PPP1R12A: variants seen among roughly 807,000 people sequenced by gnomAD.
PPP1R12A encodes protein phosphatase 1 regulatory subunit 12A.
PPP1R12A carries 19 observed loss-of-function variants against 139.6 expected under a neutral mutation model. The ratio of observed to expected loss-of-function variants is 0.14; its 90% CI spans 0.09 to 0.20. The LOEUF is 0.20. Among genes scored for constraint, PPP1R12A ranks in the 10% least tolerant of loss-of-function variants. PPP1R12A has a pLI of 1.00. For missense variants in PPP1R12A, 925 were observed against 1,211.5 expected (o/e 0.76, Z 3.51); for synonymous variants, 427 against 420.6 (o/e 1.02, Z -0.19).
rs1869551269 is a variant in PPP1R12A, at chr12:79,774,662, AT to A, written c.*1266del. 6.8e-6 allele frequency: 1 copy of A among 147,948 alleles called. No homozygotes were observed. The highest frequency in any genetic ancestry group is 2.0e-4 in the East Asian group (1 of 5,062). 9.2% of individuals were successfully genotyped at this position (147,948 alleles called of 1,614,324 possible). ...AAAAAAAAAAAGGCCACTGAAATGTATAAAATGGTCTGAACATGATGGTGGT... is the reference window on the plus strand; with the variant it reads ...AAAAAAAAAAAGGCCACTGAAATGTAAAAATGGTCTGAACATGATGGTGGT... On this transcript the variant is annotated 3_prime_UTR_variant, in exon 25 of 25. Coordinates refer to ENST00000450142, the MANE Select transcript of PPP1R12A (RefSeq NM_002480.3).
At chr12:79,833,863 A>AG (rs1555212479) in intron 3 of PPP1R12A, among the ~76,000 whole-genome samples, 1 of 150,550 alleles carries the variant, frequency 6.6e-6, no homozygotes, top group Non-Finnish European at 1.5e-5. Flanking sequence ...AAAAAAAAAA[A>AG]GCAAAGTACA....
intron 23 of PPP1R12A, chr12:79,780,390 T>C (rs965352794): frequency 6.6e-6 from 1 of 152,132 alleles, no homozygotes; most frequent in African/African-American, 2.4e-5. Flanking sequence ...TTTATCTGCA[T>C]TTGACAAGCA....
At chr12:79,780,919 A>C (rs1239686233) in intron 23 of PPP1R12A, among the ~76,000 whole-genome samples, 2 of 152,054 alleles carry the variant, frequency 1.3e-5, no homozygotes, top group African/African-American at 4.8e-5. Context: ...TTTTTTTTTA[A>C]CCATTTCTCT....
At chr12:79,782,955 G>C (rs1398447222) in intron 22 of PPP1R12A, among the ~76,000 whole-genome samples, 1 of 151,986 alleles carries the variant, frequency 6.6e-6, no homozygotes, top group Non-Finnish European at 1.5e-5. Flanking sequence ...TCATGTTTTA[G>C]TATCTCTAGG....
intron 1 of PPP1R12A, among the ~76,000 whole-genome samples, chr12:79,908,088 T>C (rs1234237259): frequency 6.6e-6 from 1 of 152,218 alleles, no homozygotes; most frequent in Non-Finnish European, 1.5e-5. Context: ...AATGGGTATC[T>C]GGGGTTGAAA....
chr12:79,934,297 T>TA (rs1451896562), intron 1 of PPP1R12A, among the ~76,000 whole-genome samples: 2 of 152,164 alleles, frequency 1.3e-5, no homozygotes, highest in Admixed American at 6.5e-5. Context: ...TGCCCCTTGT[T>TA]AGTTTTCTTC....
intron 2 of PPP1R12A, among the ~76,000 whole-genome samples, chr12:79,863,245 T>A (rs916221127): frequency 6.6e-6 from 1 of 152,018 alleles, no homozygotes; most frequent in Non-Finnish European, 1.5e-5. Flanking sequence ...AGAAATAAAA[T>A]CCTTTACAGA....
At chr12:79,869,122 CTTG>C (rs1262893518) in intron 2 of PPP1R12A, among the ~76,000 whole-genome samples, 1 of 152,100 alleles carries the variant, frequency 6.6e-6, no homozygotes, top group East Asian at 1.9e-4. Flanking sequence ...GGACTTCTAC[CTTG>C]TTAAGAATAA....
intron 3 of PPP1R12A, among the ~76,000 whole-genome samples, chr12:79,842,870 C>T (rs558757307): frequency 6.6e-6 from 1 of 151,336 alleles, no homozygotes; most frequent in African/African-American, 2.4e-5. Flanking sequence ...TTCTTAAGTA[C>T]ATTCACATTG....
intron 6 of PPP1R12A, among the ~76,000 whole-genome samples, chr12:79,821,583 T>A (rs1215789569): frequency 6.6e-6 from 1 of 152,036 alleles, no homozygotes; most frequent in African/African-American, 2.4e-5. Flanking sequence ...TGAAACCCCA[T>A]CTCTACTAAA....
intron 1 of PPP1R12A, among the ~76,000 whole-genome samples, chr12:79,904,597 TA>T (rs1283865716): frequency 2.6e-5 from 4 of 152,190 alleles, no homozygotes. Flanking sequence ...ATAAACAGCA[TA>T]AAGTAGCTCA....
At chr12:79,812,771 CTCT>C (rs1874771458) in intron 9 of PPP1R12A, among the ~76,000 whole-genome samples, 1 of 152,124 alleles carries the variant, frequency 6.6e-6, no homozygotes, top group African/African-American at 2.4e-5. Flanking sequence ...TCCAAACCAT[CTCT>C]TCTTCAGTTC....
chr12:79,864,605 A>G (rs1273659757), intron 2 of PPP1R12A, among the ~76,000 whole-genome samples: 1 of 152,150 alleles, frequency 6.6e-6, no homozygotes, highest in Non-Finnish European at 1.5e-5. Flanking sequence ...AGAGAGAAGA[A>G]TCCAATAGAC....
At chr12:79,872,316 G>T (rs1489853017) in intron 2 of PPP1R12A, among the ~76,000 whole-genome samples, 1 of 152,040 alleles carries the variant, frequency 6.6e-6, no homozygotes, top group Non-Finnish European at 1.5e-5. Context: ...ACACATTAAA[G>T]GTAGTAGAGA....
At chr12:79,907,526 G>A (rs1002441704) in intron 1 of PPP1R12A, among the ~76,000 whole-genome samples, 2 of 152,178 alleles carry the variant, frequency 1.3e-5, no homozygotes, top group African/African-American at 4.8e-5. Flanking sequence ...AACAGAGCAA[G>A]TGCCTACAAA....
chr12:79,919,610 T>C (rs1038446920), intron 1 of PPP1R12A, among the ~76,000 whole-genome samples: 1 of 151,892 alleles, frequency 6.6e-6, no homozygotes, highest in African/African-American at 2.4e-5. Flanking sequence ...TATGCCTTCA[T>C]AAGCTTCCAT....
chr12:79,785,608 C>T lies in PPP1R12A; in HGVS notation c.2907+766G>A, dbSNP rs138391091. ...AGAAATACGTTTATGCTAGAAAGTC[C>T]CAGGTTAAAATTGAACACATTTGTT... On this transcript the variant is annotated intron_variant, in intron 22 of 24. Transcript: ENST00000450142. 2.1e-3 allele frequency among the ~76,000 whole-genome samples: 324 copies of T among 152,120 alleles called. 2 individuals carry two copies. Among genetic ancestry groups the T allele is most frequent in the Middle Eastern group, 0.01 (3 of 294 alleles).
chr12:79,898,331 C>T (rs900002218), intron 1 of PPP1R12A, among the ~76,000 whole-genome samples: 8 of 152,094 alleles, frequency 5.3e-5, no homozygotes, highest in African/African-American at 1.9e-4. Context: ...CGGTGTGCAC[C>T]TGTAGTCCCA....
intron 23 of PPP1R12A, chr12:79,780,859 G>T (rs1411733988): frequency 6.6e-6 from 1 of 152,000 alleles, no homozygotes; most frequent in Non-Finnish European, 1.5e-5. Context: ...GGTAGCTATT[G>T]CAAGGTACAA....
Sources: allele counts gnomAD v4.1 joint callset (sites outside exome capture counted in the v4.1 genomes callset), GRCh38; gene constraint gnomAD v4.1.1; transcripts MANE v1.5; gene names NCBI Gene and HGNC (gene_info 2026-07-23, HGNC 2026-07-21).